Variants in PRC1 observed in about 807,000 individuals in gnomAD.
PRC1 encodes protein regulator of cytokinesis 1.
A neutral mutation model predicts 91.2 loss-of-function variants in PRC1; 54 were observed. That is an observed-to-expected ratio of 0.59 (90% confidence interval 0.48 to 0.74). The LOEUF (loss-of-function observed/expected upper bound fraction) is 0.74. Ranked by LOEUF, PRC1 falls within the 30% of genes least tolerant of loss-of-function variation. PRC1 has a pLI of 0.00. For synonymous variants in PRC1, 275 were observed against 263.6 expected (o/e 1.04, Z -0.42); for missense variants, 727 against 746.2 (o/e 0.97, Z 0.30).
rs1325679712 is a variant in PRC1 at position 90,994,519 on chromosome 15, C to T, written c.-102G>A. ...ACACCGGCGATGTCACTCCGCGTAG[C>T]CGCTCCGCGAGCCGTTGAGCCCCGC... On this transcript the variant is annotated 5_prime_UTR_variant, in exon 1 of 15. Coordinates refer to ENST00000394249, the MANE Select transcript of PRC1 (RefSeq NM_003981.4). 2 of 1,415,874 alleles carry T rather than the reference C, an allele frequency of 1.4e-6. No individual in the cohort carries two copies. Among genetic ancestry groups the T allele is most frequent in the East Asian group, 5.8e-5 (2 of 34,258 alleles). The allele number at this position is 1,415,874 out of a possible 1,614,324, so 87.7% of individuals were successfully genotyped here.
At position 90,988,909 on chromosome 15, in the gene PRC1, G is replaced by A. The variant is rs1338817390; in HGVS notation, c.12-4084C>T. On this transcript the variant is annotated intron_variant, in intron 1 of 14. Coordinates refer to ENST00000394249, the MANE Select transcript of PRC1 (RefSeq NM_003981.4). ...GGTATTATGCACTCTGGATCCTGAC[G>A]AAGGTTTACAAGCAGGGCTGCCTAT... Among the ~76,000 whole-genome samples, 9 of 152,248 alleles carry A rather than the reference G, an allele frequency of 5.9e-5. No homozygotes were observed. In the East Asian group the frequency reaches 1.2e-3, roughly 20 times the overall value.
At chr15:90,969,770 ATAT>A in intron 12 of PRC1, 147 bp from the exon 13 acceptor site, 1 of 45,884 alleles carries the variant, frequency 2.2e-5, no homozygotes, top group Non-Finnish European at 3.0e-5. Context: ...AAACATATAT[ATAT>A]ATATATATAT....
In PRC1 at chr15:90,976,927, T is replaced by TCGAGA. The variant is rs1289408288; in HGVS notation, c.1108-157_1108-156insTCTCG. On this transcript the variant is annotated intron_variant, in intron 8 of 14. Coordinates refer to ENST00000394249, the MANE Select transcript of PRC1 (RefSeq NM_003981.4). ...GAGTGGATCACCTGAGGTCGACAGT[T>TCGAGA]CCAGACCAACCTGGCCAACATGGCG... Among the ~76,000 whole-genome samples the TCGAGA allele has an allele frequency of 1.3e-4, 20 of 151,726 alleles. No homozygotes were observed. In the East Asian group the frequency reaches 2.5e-3, roughly 19 times the overall value.
rs1335503764 is a variant in PRC1, at chr15:90,966,083, T to A, written c.*1048A>T. Reference sequence around the variant, plus strand: ...ACAGATTTTAATTTATTTTTAAGAATAATTGTATATTTTAAAAACAGGACA... The same window carrying A: ...ACAGATTTTAATTTATTTTTAAGAAAAATTGTATATTTTAAAAACAGGACA... On this transcript the variant is annotated 3_prime_UTR_variant, in exon 15 of 15. Coordinates refer to ENST00000394249, the MANE Select transcript of PRC1 (RefSeq NM_003981.4). The A allele has an allele frequency of 2.0e-5, 3 of 152,274 alleles. No homozygotes were observed. Among genetic ancestry groups the A allele is most frequent in the Non-Finnish European group, 4.4e-5 (3 of 68,092 alleles). The allele number at this position is 152,274 out of a possible 1,614,324, so 9.4% of individuals were successfully genotyped here. A position where few individuals can be genotyped will look rare whatever the true frequency, so the allele number is the denominator to read the frequency against.
At position 90,981,597 on chromosome 15, in the gene PRC1, G is replaced by A. The variant is rs527463974; in HGVS notation, c.574C>T (p.Pro192Ser). 6 of 1,613,962 alleles carry A rather than the reference G, an allele frequency of 3.7e-6. No homozygotes were observed. The highest frequency in any genetic ancestry group is 2.7e-5 in the African/African-American group (2 of 75,034). Reference protein sequence around the residue: ...ILCMEALDHTPDTSFERDVVC... With the variant: ...ILCMEALDHTSDTSFERDVVC... ...ACATCTCTTTCAAAGCTTGTGTCTGGGGTGTGGTCTAATGCTTCCATACAC... is the reference window on the plus strand; with the variant it reads ...ACATCTCTTTCAAAGCTTGTGTCTGAGGTGTGGTCTAATGCTTCCATACAC... Residue 192 changes from proline to serine, a missense_variant, in exon 5 of 15, where the codon CCA becomes TCA. By Grantham distance (74) the Pro-to-Ser change is moderately conservative. Transcript: ENST00000394249.
At chr15:90,994,176 G>T (rs72630489) in intron 1 of PRC1, among the ~76,000 whole-genome samples, 2 of 151,868 alleles carry the variant, frequency 1.3e-5, no homozygotes, top group Admixed American at 6.6e-5. Context: ...CTGAGCCTGC[G>T]GGCACCTGCG....
intron 11 of PRC1, among the ~76,000 whole-genome samples, chr15:90,971,915 C>G (rs1413972907): frequency 6.6e-6 from 1 of 152,152 alleles, no homozygotes; most frequent in Non-Finnish European, 1.5e-5. Context: ...GTAGTCCCAG[C>G]TACTCAGGAG....
rs1003297301 is a variant in PRC1 at position 90,968,300 on chromosome 15, G to C, written c.1791+779C>G. 12 of 985,352 alleles carry C rather than the reference G, an allele frequency of 1.2e-5. No individual in the cohort carries two copies. The African/African-American group carries it at 2.1e-4, about 17-fold the overall frequency. 61.0% of individuals were successfully genotyped at this position (985,352 alleles called of 1,614,324 possible). ...GCCACGTAATTTGAAAAACATGCTG[G>C]AGTAGGAAGCCAGTTTCAGTGATCA... On this transcript the variant is annotated intron_variant, in intron 14 of 14. Coordinates refer to ENST00000394249, the MANE Select transcript of PRC1 (RefSeq NM_003981.4).
chr15:90,982,263 G>A (rs2039257548), intron 3 of PRC1, among the ~76,000 whole-genome samples: 1 of 152,154 alleles, frequency 6.6e-6, no homozygotes, highest in Non-Finnish European at 1.5e-5. Context: ...ACAGTTCATT[G>A]GTATTAAGTA....
At chr15:90,970,983 GATAC>G (rs2038070724) in intron 11 of PRC1, among the ~76,000 whole-genome samples, 1 of 151,966 alleles carries the variant, frequency 6.6e-6, no homozygotes, top group African/African-American at 2.4e-5. Context: ...GTGACCTTTT[GATAC>G]ATACAGCAAC....
At chr15:90,969,972 G>C (rs988570072) in intron 12 of PRC1, among the ~76,000 whole-genome samples, 1 of 151,970 alleles carries the variant, frequency 6.6e-6, no homozygotes, top group Non-Finnish European at 1.5e-5. Context: ...CCTATCTTGA[G>C]CATAGTCTAA....
chr15:90,976,047 T>C (rs1395451723), intron 9 of PRC1, among the ~76,000 whole-genome samples: 3 of 152,116 alleles, frequency 2.0e-5, no homozygotes, highest in Admixed American at 2.0e-4. Flanking sequence ...AGAAAATAAG[T>C]TGCTGTTGTC....
At chr15:90,967,732 T>C in intron 14 of PRC1, 1 of 679,546 alleles carries the variant, frequency 1.5e-6, no homozygotes, top group South Asian at 6.5e-5. Flanking sequence ...ATAGTTTAGG[T>C]GTGTAGGCTG....
rs533610719 is a variant in PRC1, at chr15:90,981,005, G to A, written c.701C>T (p.Ala234Val). The A allele has an allele frequency of 6.2e-7, 1 of 1,614,146 alleles. No individual in the cohort carries two copies. Among genetic ancestry groups the A allele is most frequent in the East Asian group, 2.2e-5 (1 of 44,884 alleles). The change falls in exon 6 of 15, where the codon GCA becomes GTA. Residue 234 changes from alanine to valine, a missense_variant. By Grantham distance (64) the Ala-to-Val change is moderately conservative. Coordinates refer to ENST00000394249, the MANE Select transcript of PRC1 (RefSeq NM_003981.4). ...TTGAGTACGCAGCCCCTCACACACT[G>A]CTTCATTTTGTGATTTCTGCATTTC... ...QLEMQKSQNE[A>V]VCEGLRTQIR...
rs368107691 is a variant in PRC1, at chr15:90,969,074, C to A, written c.1791+5G>T. The A allele has an allele frequency of 6.2e-7, 1 of 1,614,098 alleles. No homozygotes were observed. ...AAAGGGACATGCAGGGATTGCCATA[C>A]AGACCTGAAGCCCAACAGTGGAACT... is the stretch of plus-strand genomic sequence containing the variant. On this transcript the variant is annotated splice_donor_5th_base_variant and intron_variant, in intron 14 of 14. Transcript: ENST00000394249.
At chr15:90,978,271 C>T (rs1435378750) in intron 8 of PRC1, among the ~76,000 whole-genome samples, 1 of 152,228 alleles carries the variant, frequency 6.6e-6, no homozygotes. Flanking sequence ...TTGCCTGCCC[C>T]AACATCCATT....
chr15:90,979,907 A>G (rs920560628), intron 7 of PRC1, among the ~76,000 whole-genome samples: 2 of 152,268 alleles, frequency 1.3e-5, no homozygotes, highest in Non-Finnish European at 2.9e-5. Context: ...GCTAGAGGCT[A>G]CAGTGACATA....
At chr15:90,977,017 C>G (rs2038767221) in intron 8 of PRC1, among the ~76,000 whole-genome samples, 1 of 151,746 alleles carries the variant, frequency 6.6e-6, no homozygotes, top group South Asian at 2.1e-4. Flanking sequence ...GCAGTCCCAG[C>G]TACTCAGGAG....
intron 6 of PRC1, 123 bp from the exon 7 acceptor site, chr15:90,980,512 C>A (rs1386280960): frequency 2.8e-4 from 137 of 491,228 alleles, no homozygotes; most frequent in Non-Finnish European, 4.0e-4. Flanking sequence ...TAAATCAACA[C>A]TTTTTTTTTT....
Sources: gnomAD v4.1 joint callset for allele counts (sites outside exome capture counted in the v4.1 genomes callset) on GRCh38, gnomAD v4.1.1 for gene constraint, MANE v1.5 for transcripts, NCBI Gene and HGNC (gene_info 2026-07-23, HGNC 2026-07-21) for gene names.